THSD7B: variants seen among roughly 807,000 people sequenced by gnomAD.
THSD7B encodes thrombospondin type 1 domain containing 7B.
THSD7B carries 138 observed loss-of-function variants against 213.6 expected under a neutral mutation model. The observed-to-expected ratio is 0.65, with a 90% CI of 0.56 to 0.74. The LOEUF is 0.74. Ranked by LOEUF, THSD7B falls within the 30% of genes least tolerant of loss-of-function variation. The probability of loss-of-function intolerance (pLI) is 0.00; values close to 1 mark genes in which losing one functional copy is unlikely to be tolerated. For missense variants in THSD7B, 1,931 were observed against 1,991.5 expected (o/e 0.97, Z 0.58); for synonymous variants, 742 against 687.0 (o/e 1.08, Z -1.25).
intron 1 of THSD7B, among the ~76,000 whole-genome samples, chr2:136,849,811 C>T (rs139215922): frequency 1.3e-5 from 2 of 152,170 alleles, no homozygotes; most frequent in Non-Finnish European, 2.9e-5. Flanking sequence ...TAGAGACATA[C>T]AGAAAGGTAA....
intron 5 of THSD7B, among the ~76,000 whole-genome samples, chr2:137,146,345 C>T (rs1337086637): frequency 1.3e-5 from 2 of 152,008 alleles, no homozygotes; most frequent in African/African-American, 4.8e-5. Context: ...AAAAGCACAA[C>T]AAAGCCGAGT....
chr2:137,288,918 T>A (rs759293639), intron 12 of THSD7B, among the ~76,000 whole-genome samples: 2 of 152,036 alleles, frequency 1.3e-5, no homozygotes, highest in Non-Finnish European at 2.9e-5. Flanking sequence ...ATGAAAAGGA[T>A]GCTCCTTCAC....
chr2:137,633,080 C>T (rs1682771036), intron 20 of THSD7B, among the ~76,000 whole-genome samples: 1 of 152,124 alleles, frequency 6.6e-6, no homozygotes, highest in Non-Finnish European at 1.5e-5. Flanking sequence ...TGTAATTTTC[C>T]TCCACTCTGC....
chr2:137,145,986 A>T (rs1331096239), intron 5 of THSD7B, among the ~76,000 whole-genome samples: 4 of 152,098 alleles, frequency 2.6e-5, no homozygotes, highest in Non-Finnish European at 5.9e-5. Context: ...AAATGTAAAT[A>T]ATTGTCTCCA....
At chr2:136,805,889 C>G (rs939144689) in intron 1 of THSD7B, among the ~76,000 whole-genome samples, 1 of 152,192 alleles carries the variant, frequency 6.6e-6, no homozygotes, top group Non-Finnish European at 1.5e-5. Flanking sequence ...CTCAAGGGTG[C>G]TGCACTATTC....
intron 7 of THSD7B, among the ~76,000 whole-genome samples, chr2:137,218,323 T>C (rs143090047): frequency 1.2e-3 from 181 of 152,274 alleles, no homozygotes; most frequent in Non-Finnish European, 1.4e-3. Flanking sequence ...TTGACAATGA[T>C]ATAAAGTGAT....
chr2:137,652,165 T>C (rs1478362664), intron 21 of THSD7B, among the ~76,000 whole-genome samples: 2 of 152,062 alleles, frequency 1.3e-5, no homozygotes, highest in African/African-American at 2.4e-5. Flanking sequence ...TCTACTATTA[T>C]TGTATTGAGA....
rs1209708647 is a variant in THSD7B at position 137,120,949 on chromosome 2, A to C, written c.1369+5656A>C. Reference sequence around the variant, plus strand: ...CATATATAGTTCAAATATTCTCTCTAAAAATATAATGCTGGGAAGAGTTAA... The same window carrying C: ...CATATATAGTTCAAATATTCTCTCTCAAAATATAATGCTGGGAAGAGTTAA... On this transcript the variant is annotated intron_variant, in intron 5 of 27. Coordinates refer to ENST00000409968, the MANE Select transcript of THSD7B (RefSeq NM_001316349.2). 2.0e-5 allele frequency among the ~76,000 whole-genome samples: 3 copies of C among 152,308 alleles called. No individual in the cohort carries two copies. The East Asian group carries it at 5.8e-4, about 29-fold the overall frequency.
rs117925762 is a variant in THSD7B, at chr2:137,573,955, G to C, written c.3423+1399G>C. Among the ~76,000 whole-genome samples the C allele has an allele frequency of 1.5e-4, 23 of 152,164 alleles. 1 individual carries two copies. The East Asian group carries it at 4.2e-3, about 28-fold the overall frequency. ...ATTTATTTGAAGAAGAAGGGTAGCTGTTTTAGTTATCTGTGTGATTATTCC... is the reference window on the plus strand; with the variant it reads ...ATTTATTTGAAGAAGAAGGGTAGCTCTTTTAGTTATCTGTGTGATTATTCC... On this transcript the variant is annotated intron_variant, in intron 17 of 27. Coordinates refer to ENST00000409968, the MANE Select transcript of THSD7B (RefSeq NM_001316349.2).
intron 5 of THSD7B, among the ~76,000 whole-genome samples, chr2:137,146,376 G>T (rs1208650120): frequency 6.6e-6 from 1 of 152,068 alleles, no homozygotes; most frequent in Non-Finnish European, 1.5e-5. Context: ...TAATCTGGAA[G>T]AGTCTGACAT....
intron 12 of THSD7B, among the ~76,000 whole-genome samples, chr2:137,368,274 A>T (rs1253535682): frequency 2.0e-5 from 3 of 152,018 alleles, no homozygotes; most frequent in East Asian, 3.9e-4. Flanking sequence ...CAAAAAAAAA[A>T]TTTATAGAAT....
intron 8 of THSD7B, among the ~76,000 whole-genome samples, chr2:137,232,212 A>C (rs1423410097): frequency 6.6e-6 from 1 of 152,188 alleles, no homozygotes; most frequent in Non-Finnish European, 1.5e-5. Context: ...TGGATATAAA[A>C]ATGTCAGAAA....
chr2:137,464,864 T>G (rs559871090), intron 15 of THSD7B, among the ~76,000 whole-genome samples: 3 of 152,068 alleles, frequency 2.0e-5, no homozygotes. Context: ...GATAGCCCAG[T>G]GGTCGATTAG....
chr2:136,861,886 C>A (rs755894324), intron 1 of THSD7B, among the ~76,000 whole-genome samples: 48 of 152,198 alleles, frequency 3.2e-4, no homozygotes, highest in Non-Finnish European at 1.8e-4. Context: ...TCACCTGGGA[C>A]TGCAGTCATC....
At chr2:137,107,804 T>C (rs533370028) in intron 4 of THSD7B, among the ~76,000 whole-genome samples, 1 of 152,328 alleles carries the variant, frequency 6.6e-6, no homozygotes, top group South Asian at 2.1e-4. Context: ...TAATAATACA[T>C]GTGTGGAGTT....
intron 6 of THSD7B, among the ~76,000 whole-genome samples, chr2:137,169,179 A>C (rs577421755): frequency 2.3e-4 from 35 of 151,934 alleles, no homozygotes; most frequent in African/African-American, 8.2e-4. Flanking sequence ...AAAAAAAAAA[A>C]AAAACTCAAA....
intron 12 of THSD7B, among the ~76,000 whole-genome samples, chr2:137,365,860 A>AC (rs1448026094): frequency 6.6e-6 from 1 of 152,218 alleles, no homozygotes; most frequent in East Asian, 1.9e-4. Context: ...AGAACTGGAA[A>AC]TACCATTTGA....
intron 12 of THSD7B, among the ~76,000 whole-genome samples, chr2:137,356,117 C>G (rs979372510): frequency 6.6e-6 from 1 of 152,088 alleles, no homozygotes; most frequent in Non-Finnish European, 1.5e-5. Context: ...CATGAAGGCT[C>G]TTTGTGTGAA....
At chr2:137,563,383 TA>T in intron 16 of THSD7B, 29 bp downstream of exon 16, 1 of 1,609,482 alleles carries the variant, frequency 6.2e-7, no homozygotes, top group Non-Finnish European at 8.5e-7. Flanking sequence ...ATTTGGGAAA[TA>T]GGGGGAAGTG....
Sources: gnomAD v4.1 joint callset for allele counts (sites outside exome capture counted in the v4.1 genomes callset) on GRCh38, gnomAD v4.1.1 for gene constraint, MANE v1.5 for transcripts, NCBI Gene and HGNC (gene_info 2026-07-23, HGNC 2026-07-21) for gene names.